DMD: variants seen among roughly 807,000 people sequenced by gnomAD.
DMD encodes mutant dystrophin.
In DMD, 63 loss-of-function variants were observed where a neutral mutation model predicts 330.1. The observed-to-expected ratio is 0.19, with a 90% CI of 0.16 to 0.24. The LOEUF (loss-of-function observed/expected upper bound fraction) is 0.24. Ranked by LOEUF, DMD falls within the 10% of genes least tolerant of loss-of-function variation. The probability of loss-of-function intolerance (pLI) is 1.00; values close to 1 mark genes in which losing one functional copy is unlikely to be tolerated. For synonymous variants in DMD, 1,223 were observed against 959.8 expected, an observed-to-expected ratio of 1.27 and a Z score of -5.07; for missense variants, 3,344 against 2,684.1, an observed-to-expected ratio of 1.25 and a Z score of -5.43.
intron 43 of DMD, among the ~76,000 whole-genome samples, chrX:32,262,295 T>C (rs1248873654): frequency 9.0e-6 from 1 of 111,726 alleles, no homozygotes; most frequent in African/African-American, 3.3e-5. Context: ...TAAAATTCTA[T>C]AAAACGCAAA....
intron 53 of DMD, among the ~76,000 whole-genome samples, chrX:31,677,498 G>T (rs1254500104): frequency 8.9e-6 from 1 of 112,110 alleles, no homozygotes; most frequent in African/African-American, 3.2e-5. Flanking sequence ...TTATAGAGAA[G>T]AAAAAGAAGT....
chrX:33,009,086 ATATATACGTATATATGTATATATATGTG>A (rs2093490080), intron 2 of DMD, among the ~76,000 whole-genome samples: 1 of 21,458 alleles, frequency 4.7e-5, no homozygotes, highest in Non-Finnish European at 1.5e-4. Flanking sequence ...ATATATGTGT[ATATATACGTATATATGTATATATATGTG>A]TATATATACG....
chrX:31,504,474 A>G (rs1363907607), intron 56 of DMD, among the ~76,000 whole-genome samples: 1 of 112,069 alleles, frequency 8.9e-6, no homozygotes, highest in Admixed American at 9.5e-5. Flanking sequence ...ATTTTTTATA[A>G]TATGTTATAA....
intron 2 of DMD, among the ~76,000 whole-genome samples, chrX:32,872,299 C>T (rs954762868): frequency 2.7e-5 from 3 of 111,884 alleles, no homozygotes; most frequent in Non-Finnish European, 1.9e-5. Context: ...GATCAATTTG[C>T]GTCCATGTTC....
chrX:31,221,401 T>G (rs58129806), intron 64 of DMD, among the ~76,000 whole-genome samples: 3,234 of 112,248 alleles, frequency 0.029, 118 homozygotes, highest in African/African-American at 0.1. Flanking sequence ...AGTTCCTGAA[T>G]GTGTCATGCT....
chrX:32,825,438 AC>A (rs1008076115), intron 4 of DMD, among the ~76,000 whole-genome samples: 1 of 110,986 alleles, frequency 9.0e-6, no homozygotes, highest in Non-Finnish European at 1.9e-5. Context: ...GTAAGGTACT[AC>A]CCCCCCAGTG....
chrX:31,830,844 A>G (rs999248388), intron 49 of DMD, among the ~76,000 whole-genome samples: 4 of 111,707 alleles, frequency 3.6e-5, no homozygotes, highest in African/African-American at 1.3e-4. Context: ...TGTTTGAAAC[A>G]AGACAGAGAC....
intron 7 of DMD, among the ~76,000 whole-genome samples, chrX:32,768,667 C>A (rs761595786): frequency 8.9e-6 from 1 of 111,762 alleles, no homozygotes; most frequent in African/African-American, 3.3e-5. Flanking sequence ...CCCACTGGGA[C>A]CACGATTTTC....
At chrX:31,288,010 T>C (rs2053360171) in intron 62 of DMD, among the ~76,000 whole-genome samples, 2 of 111,263 alleles carry the variant, frequency 1.8e-5, no homozygotes, top group African/African-American at 6.5e-5. Context: ...GTGTCAAGAT[T>C]CCAGTGTTCA....
At position 31,399,840 on chromosome X, in the gene DMD, G is replaced by C. The variant is rs7060713; in HGVS notation, c.9084+44641C>G. The stretch of plus-strand genomic sequence containing the variant: ...GACTGAGGGAAGGGCAGAGTAGTTA[G>C]AGAGGAATAGCTGGATTTGAGTGTT... On this transcript the variant is annotated intron_variant, in intron 60 of 78. Coordinates refer to ENST00000357033, the MANE Select transcript of DMD (RefSeq NM_004006.3). 8.5e-3 allele frequency among the ~76,000 whole-genome samples: 946 copies of C among 111,633 alleles called. 16 individuals are homozygous for C. The highest frequency in any genetic ancestry group is 0.029 in the African/African-American group (905 of 30,692).
At chrX:32,780,001 T>C (rs2074557965) in intron 7 of DMD, among the ~76,000 whole-genome samples, 1 of 111,886 alleles carries the variant, frequency 8.9e-6, no homozygotes, top group Admixed American at 9.5e-5. Flanking sequence ...ATGTATCTTC[T>C]CCCATACAAG....
At chrX:32,111,541 T>C (rs1408933260) in intron 44 of DMD, among the ~76,000 whole-genome samples, 1 of 112,236 alleles carries the variant, frequency 8.9e-6, no homozygotes, top group East Asian at 2.8e-4. Flanking sequence ...TACAGCTTTT[T>C]ACTATTTGTG....
At chrX:32,751,931 G>A (rs1211109135) in intron 7 of DMD, among the ~76,000 whole-genome samples, 12 of 112,813 alleles carry the variant, frequency 1.1e-4, no homozygotes, top group South Asian at 7.2e-4. Context: ...TGTTGAGCCC[G>A]CAGGTGCACA....
intron 4 of DMD, among the ~76,000 whole-genome samples, chrX:32,829,357 T>C (rs2078989200): frequency 8.9e-6 from 1 of 111,792 alleles, no homozygotes; most frequent in Non-Finnish European, 1.9e-5. Flanking sequence ...ATCTCAATTT[T>C]AGTGATTTGT....
chrX:32,329,553 G>T (rs994449819), intron 41 of DMD, among the ~76,000 whole-genome samples: 3 of 112,053 alleles, frequency 2.7e-5, no homozygotes, highest in African/African-American at 9.7e-5. Context: ...TGAAATACTC[G>T]AGTGTATCTA....
At chrX:31,187,879 G>A (rs1014218020) in intron 67 of DMD, among the ~76,000 whole-genome samples, 2 of 110,251 alleles carry the variant, frequency 1.8e-5, no homozygotes, top group Non-Finnish European at 3.8e-5. Flanking sequence ...CCAGCTGTTC[G>A]ATCTCTCCAC....
At chrX:33,113,120 C>A (rs1366749642) in intron 1 of DMD, among the ~76,000 whole-genome samples, 1 of 101,600 alleles carries the variant, frequency 9.8e-6, no homozygotes, top group Non-Finnish European at 2.0e-5. Context: ...GCGGCTCAAT[C>A]TCGGCTCACT....
At chrX:31,561,817 C>A (rs1449920410) in intron 55 of DMD, among the ~76,000 whole-genome samples, 2 of 112,110 alleles carry the variant, frequency 1.8e-5, no homozygotes, top group Admixed American at 9.4e-5. Flanking sequence ...CATAATAAAA[C>A]CAACATATTC....
At chrX:32,937,181 C>A (rs1239196385) in intron 2 of DMD, among the ~76,000 whole-genome samples, 49 of 110,724 alleles carry the variant, frequency 4.4e-4, no homozygotes, top group Admixed American at 4.4e-3. Flanking sequence ...AAGGACGTTT[C>A]CTGAACTAGA....
Sources: allele counts gnomAD v4.1 joint callset (sites outside exome capture counted in the v4.1 genomes callset), GRCh38; gene constraint gnomAD v4.1.1; transcripts MANE v1.5; gene names NCBI Gene and HGNC (gene_info 2026-07-23, HGNC 2026-07-21).